HINT3: variants seen among roughly 807,000 people sequenced by gnomAD.
HINT3 encodes the protein histidine triad nucleotide binding protein 3.
Under a neutral mutation model 19.1 loss-of-function variants are expected in HINT3, and 16 were observed. The ratio of observed to expected loss-of-function variants is 0.84; its 90% confidence interval spans 0.57 to 1.27. The LOEUF (loss-of-function observed/expected upper bound fraction) is 1.27, where lower values mean the gene tolerates loss of function less well. Ranked by LOEUF, HINT3 falls within the 50% of genes most tolerant of loss-of-function variation. HINT3 has a pLI of 0.00. For missense variants in HINT3, 197 were observed against 225.8 expected (o/e 0.87, Z 0.82); for synonymous variants, 75 against 84.8 (o/e 0.88, Z 0.63).
chr6:125,959,326 C>A (rs571205090), intron 1 of HINT3, among the ~76,000 whole-genome samples: 2 of 151,860 alleles, frequency 1.3e-5, no homozygotes, highest in Non-Finnish European at 2.9e-5. Flanking sequence ...AGGAAGAGGA[C>A]CTGGAAAGGG....
chr6:125,967,218 A>G (rs1304963237), intron 2 of HINT3, among the ~76,000 whole-genome samples: 1 of 152,174 alleles, frequency 6.6e-6, no homozygotes, highest in Non-Finnish European at 1.5e-5. Flanking sequence ...GAACTCATGG[A>G]CAATTTTAAA....
intron 1 of HINT3, among the ~76,000 whole-genome samples, chr6:125,960,812 C>T (rs899277608): frequency 5.3e-5 from 8 of 152,138 alleles, no homozygotes; most frequent in African/African-American, 1.7e-4. Context: ...GTTGGACTGA[C>T]CCATAGAGTC....
chr6:125,963,487 G>T (rs1250482328), intron 1 of HINT3, among the ~76,000 whole-genome samples: 1 of 151,972 alleles, frequency 6.6e-6, no homozygotes, highest in South Asian at 2.1e-4. Context: ...CCCTATTTGG[G>T]TTTTCAGATT....
rs191083292 is a variant in HINT3 at position 125,958,901 on chromosome 6, C to A, written c.201+1723C>A. Among the ~76,000 whole-genome samples, 235 of 152,228 alleles carry A rather than the reference C, an allele frequency of 1.5e-3. 1 individual carries two copies. The highest frequency in any genetic ancestry group is 6.8e-3 in the Middle Eastern group (2 of 294). On this transcript the variant is annotated intron_variant, in intron 1 of 4. Transcript: ENST00000229633. ...TGTCAGAAGTGCCAAGGTTTAGAAA[C>A]CCTGATTTAGATATAAGAGGATAAG...
chr6:125,963,439 C>T lies in HINT3; in HGVS notation c.202-3448C>T, dbSNP rs1244655989. Among the ~76,000 whole-genome samples, 3 of 152,100 alleles carry T rather than the reference C, an allele frequency of 2.0e-5. No individual in the cohort carries two copies. The East Asian group carries it at 5.8e-4, about 29-fold the overall frequency. On this transcript the variant is annotated intron_variant, in intron 1 of 4. Coordinates refer to ENST00000229633, the MANE Select transcript of HINT3 (RefSeq NM_138571.5). ...TTTTTTAGTTCTGCATTACAGAAAG[C>T]ACAGAAATATTTAGAATGGAGGTTG...
In HINT3 at chr6:125,957,295, G is replaced by T. The variant is rs1023045636; in HGVS notation, c.201+117G>T. 8.0e-6 allele frequency: 9 copies of T among 1,122,764 alleles called. No homozygotes were observed. In the African/African-American group the frequency reaches 1.1e-4, roughly 14 times the overall value. 69.6% of individuals were successfully genotyped at this position (1,122,764 alleles called of 1,614,324 possible). On this transcript the variant is annotated intron_variant, in intron 1 of 4. Coordinates refer to ENST00000229633, the MANE Select transcript of HINT3 (RefSeq NM_138571.5). ...GAGGATCCCGATCGCTACTCAGCTC[G>T]CAGAGGCAGGGCCGCTCTGTGTGGA...
rs1281188500 is a variant in HINT3 at position 125,957,005 on chromosome 6, G to A, written c.28G>A (p.Ala10Thr). 1.9e-6 allele frequency: 3 copies of A among 1,550,300 alleles called. No homozygotes were observed. Among genetic ancestry groups the A allele is most frequent in the Non-Finnish European group, 1.7e-6 (2 of 1,146,832 alleles). ...GGCGGAGGAACAGGTGAACCGCAGCGCCGGCCTGGCCCCCGACTGTGAGGC... is the reference window on the plus strand; with the variant it reads ...GGCGGAGGAACAGGTGAACCGCAGCACCGGCCTGGCCCCCGACTGTGAGGC... MAEEQVNRS[A>T]GLAPDCEASA... The change falls in exon 1 of 5, where the codon GCC becomes ACC. Residue 10 changes from alanine (A) to threonine (T), a missense_variant. By Grantham distance (58) the Ala-to-Thr change is moderately conservative. Coordinates refer to ENST00000229633, the MANE Select transcript of HINT3 (RefSeq NM_138571.5).
intron 3 of HINT3, among the ~76,000 whole-genome samples, chr6:125,973,225 G>T (rs1402361377): frequency 6.6e-6 from 1 of 151,654 alleles, no homozygotes; most frequent in Non-Finnish European, 1.5e-5. Flanking sequence ...GTGTGTGCAT[G>T]CCACCATGCC....
chr6:125,962,213 C>CATATATATATATATATATATACACAT (rs1788942698), intron 1 of HINT3, among the ~76,000 whole-genome samples: 23 of 36,282 alleles, frequency 6.3e-4, no homozygotes, highest in Non-Finnish European at 8.9e-4. Context: ...TATATATACA[C>CATATATATATATATATATATACACAT]ATATATATAT....
At chr6:125,957,810 C>T (rs905718763) in intron 1 of HINT3, among the ~76,000 whole-genome samples, 5 of 152,188 alleles carry the variant, frequency 3.3e-5, no homozygotes, top group Admixed American at 2.6e-4. Flanking sequence ...CTGGCACACA[C>T]TTTATTCTGT....
Position 125,972,320 on chromosome 6 carries a change from G to T in HINT3, c.381G>T (p.Thr127=), listed in dbSNP as rs553463639. 3.2e-6 allele frequency: 5 copies of T among 1,561,680 alleles called. No individual in the cohort carries two copies. The highest frequency in any genetic ancestry group is 4.3e-6 in the Non-Finnish European group (5 of 1,154,328). The part of the protein sequence containing the change: ...ILERNNFTDF[T]NVRMGFHMPP... ...AAAGAAATAATTTCACTGACTTCAC[G>T]AATGTGAGGTGTGTATACTTCCAGA... Residue 127 remains threonine (T), a synonymous_variant, in exon 3 of 5, where the codon ACG becomes ACT. Coordinates refer to ENST00000229633, the MANE Select transcript of HINT3 (RefSeq NM_138571.5).
intron 2 of HINT3, among the ~76,000 whole-genome samples, chr6:125,968,371 A>C (rs550389111): frequency 5.9e-5 from 9 of 152,314 alleles, no homozygotes; most frequent in African/African-American, 2.2e-4. Context: ...GCATAGTATT[A>C]CATGGTATAT....
chr6:125,962,213 C>CAT (rs1215154343), intron 1 of HINT3, among the ~76,000 whole-genome samples: 3,767 of 36,204 alleles, frequency 0.1, 459 homozygotes, highest in East Asian at 0.19. Flanking sequence ...TATATATACA[C>CAT]ATATATATAT....
chr6:125,973,524 C>T (rs981095835), intron 3 of HINT3, among the ~76,000 whole-genome samples: 1 of 152,166 alleles, frequency 6.6e-6, no homozygotes, highest in South Asian at 2.1e-4. Flanking sequence ...CTAATGCCAT[C>T]CATGCTACTT....
At position 125,979,264 on chromosome 6, in the gene HINT3, T is replaced by C. The variant is rs1198599062; in HGVS notation, c.*1588T>C. The C allele has an allele frequency of 6.6e-6, 1 of 152,146 alleles. No homozygotes were observed. Among genetic ancestry groups the C allele is most frequent in the Admixed American group, 6.5e-5 (1 of 15,270 alleles). 9.4% of individuals were successfully genotyped at this position (152,146 alleles called of 1,614,324 possible). Reference sequence around the variant, plus strand: ...AGTAGGGGTTATGGGCTCTCAAAAGTAGATTTAGAGAGATTTTTTTATCAC... The same window carrying C: ...AGTAGGGGTTATGGGCTCTCAAAAGCAGATTTAGAGAGATTTTTTTATCAC... On this transcript the variant is annotated 3_prime_UTR_variant, in exon 5 of 5. Transcript: ENST00000229633.
chr6:125,963,421 G>T (rs904470147), intron 1 of HINT3, among the ~76,000 whole-genome samples: 2 of 152,130 alleles, frequency 1.3e-5, no homozygotes, highest in East Asian at 3.9e-4. Flanking sequence ...AGCTTTTTTA[G>T]TTCTGCATTA....
intron 1 of HINT3, among the ~76,000 whole-genome samples, chr6:125,960,260 T>C (rs1371630319): frequency 6.6e-6 from 1 of 152,224 alleles, no homozygotes; most frequent in African/African-American, 2.4e-5. Flanking sequence ...CTTCCCACTT[T>C]CCAGCAGCAG....
chr6:125,962,233 TACACATATATATATATAC>T (rs1788945187), intron 1 of HINT3, among the ~76,000 whole-genome samples: 1 of 20,706 alleles, frequency 4.8e-5, no homozygotes, highest in African/African-American at 3.2e-4. Flanking sequence ...TATATATATA[TACACATATATATATATAC>T]ACACATATAT....
chr6:125,969,791 A>C (rs1789073740), intron 2 of HINT3, among the ~76,000 whole-genome samples: 1 of 151,822 alleles, frequency 6.6e-6, no homozygotes, highest in Non-Finnish European at 1.5e-5. Context: ...TGTCAGTTTG[A>C]GTGTTGTGTT....
Sources: gnomAD v4.1 joint callset for allele counts (sites outside exome capture counted in the v4.1 genomes callset) on GRCh38, gnomAD v4.1.1 for gene constraint, MANE v1.5 for transcripts, NCBI Gene and HGNC (gene_info 2026-07-23, HGNC 2026-07-21) for gene names.